The following NRG3 variants were observed in gnomAD, a reference collection of about 807,000 sequenced individuals.
NRG3 encodes neuregulin 3.
NRG3 carries 31 observed loss-of-function variants against 66.9 expected under a neutral mutation model. The observed-to-expected ratio is 0.46, with a 90% CI of 0.35 to 0.63. The LOEUF (loss-of-function observed/expected upper bound fraction) is 0.63, where lower values mean the gene tolerates loss of function less well. Ranked by LOEUF, NRG3 falls within the 20% of genes least tolerant of loss-of-function variation. NRG3 has a pLI of 0.00. For synonymous variants in NRG3, 393 were observed against 359.4 expected, an observed-to-expected ratio of 1.09 and a Z score of -1.06; for missense variants, 910 against 878.9, an observed-to-expected ratio of 1.04 and a Z score of -0.45.
chr10:82,354,014 CTTTTTTT>C (rs869307444), intron 1 of NRG3, among the ~76,000 whole-genome samples: 9 of 112,602 alleles, frequency 8.0e-5, no homozygotes, highest in East Asian at 2.5e-4. Context: ...CACTATAACA[CTTTTTTT>C]TTTTTTTTTT....
intron 3 of NRG3, among the ~76,000 whole-genome samples, chr10:82,814,421 C>T (rs2061620049): frequency 6.6e-6 from 1 of 152,124 alleles, no homozygotes; most frequent in South Asian, 2.1e-4. Flanking sequence ...CTAGTAAATG[C>T]TAATGCACAT....
In NRG3 at chr10:82,467,764, A is replaced by G. The variant is rs186153861; in HGVS notation, c.953+108896A>G. Among the ~76,000 whole-genome samples, 18 of 152,326 alleles carry G rather than the reference A, an allele frequency of 1.2e-4. No individual in the cohort carries two copies. In the East Asian group the frequency reaches 3.1e-3, roughly 26 times the overall value. On this transcript the variant is annotated intron_variant, in intron 2 of 8. Transcript: ENST00000372141. Reference sequence around the variant, plus strand: ...TTCTACCACTCTGAGACTTAGGGGCATGGTAGAGGAAGGGATTTAAGCTCA... The same window carrying G: ...TTCTACCACTCTGAGACTTAGGGGCGTGGTAGAGGAAGGGATTTAAGCTCA...
chr10:82,157,952 T>C (rs906526084), intron 1 of NRG3, among the ~76,000 whole-genome samples: 1 of 151,724 alleles, frequency 6.6e-6, no homozygotes, highest in Non-Finnish European at 1.5e-5. Context: ...TGATACTGAA[T>C]GTTCCTGTGA....
intron 3 of NRG3, among the ~76,000 whole-genome samples, chr10:82,774,762 TATTTG>T (rs1020463066): frequency 2.6e-5 from 4 of 151,416 alleles, no homozygotes; most frequent in Non-Finnish European, 5.9e-5. Flanking sequence ...TTCTGTTCTC[TATTTG>T]ATTTATGTTC....
At chr10:82,813,055 G>A (rs1181824564) in intron 3 of NRG3, among the ~76,000 whole-genome samples, 1 of 152,036 alleles carries the variant, frequency 6.6e-6, no homozygotes, top group Admixed American at 6.5e-5. Flanking sequence ...AAATTTATCA[G>A]CAGGTATCAA....
At chr10:82,875,354 CTCTT>C (rs576403868) in intron 4 of NRG3, among the ~76,000 whole-genome samples, 20 of 152,128 alleles carry the variant, frequency 1.3e-4, no homozygotes, top group African/African-American at 3.9e-4. Context: ...TATGACCACT[CTCTT>C]TCTATTTTTT....
At chr10:81,999,170 G>A (rs1448932283) in intron 1 of NRG3, among the ~76,000 whole-genome samples, 1 of 152,130 alleles carries the variant, frequency 6.6e-6, no homozygotes. Flanking sequence ...AATGATTATT[G>A]ACAGTAAACA....
chr10:82,388,504 TA>T (rs2086152284), intron 2 of NRG3, among the ~76,000 whole-genome samples: 1 of 152,174 alleles, frequency 6.6e-6, no homozygotes, highest in Non-Finnish European at 1.5e-5. Context: ...TTAAAAATAA[TA>T]AAATTAATTT....
At chr10:82,011,463 C>A (rs1290742313) in intron 1 of NRG3, among the ~76,000 whole-genome samples, 1 of 152,150 alleles carries the variant, frequency 6.6e-6, no homozygotes, top group Non-Finnish European at 1.5e-5. Flanking sequence ...CTCATGTCCT[C>A]ACATTTGAAA....
intron 2 of NRG3, among the ~76,000 whole-genome samples, chr10:82,718,073 G>A (rs1286568355): frequency 6.6e-6 from 1 of 151,936 alleles, no homozygotes; most frequent in Non-Finnish European, 1.5e-5. Flanking sequence ...TCTGTTAAAG[G>A]AAGACATTTA....
At chr10:82,277,453 T>C (rs1237774547) in intron 1 of NRG3, among the ~76,000 whole-genome samples, 2 of 152,134 alleles carry the variant, frequency 1.3e-5, no homozygotes, top group East Asian at 1.9e-4. Context: ...CATTGACATA[T>C]GTATTATGTC....
intron 6 of NRG3, among the ~76,000 whole-genome samples, chr10:82,966,146 T>C (rs1392139614): frequency 1.3e-5 from 2 of 152,152 alleles, no homozygotes; most frequent in African/African-American, 4.8e-5. Flanking sequence ...AAGAATGCAT[T>C]ATTATCCATA....
At chr10:82,533,991 G>A (rs1477100462) in intron 2 of NRG3, among the ~76,000 whole-genome samples, 1 of 151,912 alleles carries the variant, frequency 6.6e-6, no homozygotes, top group Non-Finnish European at 1.5e-5. Flanking sequence ...AGAAAATTAG[G>A]AAAACAATCC....
In NRG3 at chr10:82,551,606, GT is replaced by G. The variant is rs773523337; in HGVS notation, c.954-186960del. Among the ~76,000 whole-genome samples the G allele has an allele frequency of 4.2e-3, 622 of 146,828 alleles. 5 individuals are homozygous for G. The highest frequency in any genetic ancestry group is 0.018 in the Middle Eastern group (5 of 282). ...GTTTTTATTTTTATTTTAAAATACT[GT>G]TTTTTTTTTTAAATCAGATACATGA... On this transcript the variant is annotated intron_variant, in intron 2 of 8. Transcript: ENST00000372141.
intron 1 of NRG3, chr10:82,232,672 A>G (rs989259160): frequency 5.7e-6 from 4 of 701,578 alleles, no homozygotes; most frequent in Non-Finnish European, 1.1e-5. Flanking sequence ...TTATGAGACA[A>G]TCGGCCAGAT....
chr10:82,745,243 G>A (rs979510720), intron 3 of NRG3, among the ~76,000 whole-genome samples: 4 of 152,154 alleles, frequency 2.6e-5, no homozygotes, highest in Non-Finnish European at 4.4e-5. Flanking sequence ...CACACTGCCC[G>A]ACTTCACTGG....
intron 1 of NRG3, among the ~76,000 whole-genome samples, chr10:82,213,409 A>G (rs1487303473): frequency 6.6e-6 from 1 of 152,218 alleles, no homozygotes. Flanking sequence ...AATATTACAT[A>G]AAATTATCTT....
Position 82,636,964 on chromosome 10 carries a change from A to G in NRG3, c.954-101613A>G, listed in dbSNP as rs2068475549. ...AAAAGATACTAAGTAGCAGATATGT[A>G]GGATGAACAAATTTAAAGATACAAA... On this transcript the variant is annotated intron_variant, in intron 2 of 8. Coordinates refer to ENST00000372141, the MANE Select transcript of NRG3 (RefSeq NM_001010848.4). Among the ~76,000 whole-genome samples, 4 of 152,088 alleles carry G rather than the reference A, an allele frequency of 2.6e-5. No individual in the cohort carries two copies. In the South Asian group the frequency reaches 8.3e-4, roughly 31 times the overall value.
chr10:82,793,967 G>C (rs1243218295), intron 3 of NRG3, among the ~76,000 whole-genome samples: 1 of 152,008 alleles, frequency 6.6e-6, no homozygotes, highest in Non-Finnish European at 1.5e-5. Context: ...TTTTTTACCT[G>C]TAATAGTGTA....
Sources: allele counts gnomAD v4.1 joint callset (sites outside exome capture counted in the v4.1 genomes callset), GRCh38; gene constraint gnomAD v4.1.1; transcripts MANE v1.5; gene names NCBI Gene and HGNC (gene_info 2026-07-23, HGNC 2026-07-21).